PRKCQ: variants seen among roughly 807,000 people sequenced by gnomAD.
The protein encoded by PRKCQ is protein kinase C theta.
In PRKCQ, 41 loss-of-function variants were observed where a neutral mutation model predicts 91.2. The ratio of observed to expected loss-of-function variants is 0.45; its 90% CI spans 0.35 to 0.58. The LOEUF is 0.58. Ranked by LOEUF, PRKCQ falls within the 20% of genes least tolerant of loss-of-function variation. The probability of loss-of-function intolerance (pLI) is 0.00; values close to 1 mark genes in which losing one functional copy is unlikely to be tolerated. For synonymous variants in PRKCQ, 307 were observed against 316.9 expected, an observed-to-expected ratio of 0.97 and a Z score of 0.33; for missense variants, 673 against 896.5, an observed-to-expected ratio of 0.75 and a Z score of 3.18.
chr10:6,495,446 C>T (rs1466905817), intron 7 of PRKCQ, among the ~76,000 whole-genome samples: 2 of 152,186 alleles, frequency 1.3e-5, no homozygotes, highest in Admixed American at 1.3e-4. Context: ...TGCTCTTCAC[C>T]TAACCAGCTC....
At chr10:6,501,248 G>A (rs1837894108) in intron 4 of PRKCQ, among the ~76,000 whole-genome samples, 1 of 151,528 alleles carries the variant, frequency 6.6e-6, no homozygotes. Context: ...AATGTGTTAG[G>A]GAAAGAAAAA....
chr10:6,413,408 C>T, the PRKCQ span, among the ~76,000 whole-genome samples: 1 of 151,940 alleles, frequency 6.6e-6, no homozygotes. Context: ...CTGCAACAAC[C>T]TATTCTTCAA....
At position 6,522,315 on chromosome 10, in the gene PRKCQ, T is replaced by C. The variant is rs113304138; in HGVS notation, c.-9-7171A>G. On this transcript the variant is annotated intron_variant, in intron 1 of 17. Transcript: ENST00000263125. ...ATTTTCAGCTTTAAGTGTGATCTCA[T>C]TTGTCTTTTGTGTGTAGCTTCGATG... is the stretch of plus-strand genomic sequence containing the variant. Among the ~76,000 whole-genome samples the C allele has an allele frequency of 7.4e-3, 1,120 of 152,316 alleles. 7 individuals are homozygous for C. Among genetic ancestry groups the C allele is most frequent in the Admixed American group, 0.011 (176 of 15,308 alleles).
the PRKCQ span, among the ~76,000 whole-genome samples, chr10:6,421,165 A>C: frequency 5.9e-5 from 9 of 152,144 alleles, no homozygotes; most frequent in Admixed American, 5.9e-4. This position sits in a 1 kb window ranked among gnomAD's most constrained non-coding sequence, Gnocchi z 4.1. Flanking sequence ...TGTGAATGTA[A>C]TACATCCTTA....
At chr10:6,503,566 G>A (rs2130837167) in intron 4 of PRKCQ, among the ~76,000 whole-genome samples, 1 of 152,272 alleles carries the variant, frequency 6.6e-6, no homozygotes, top group East Asian at 1.9e-4. Flanking sequence ...TGGTGAGGTA[G>A]AGGAGGTGAG....
At chr10:6,464,728 G>A (rs1425773326) in intron 12 of PRKCQ, among the ~76,000 whole-genome samples, 2 of 152,208 alleles carry the variant, frequency 1.3e-5, no homozygotes, top group Admixed American at 6.5e-5. Flanking sequence ...GATTACAGGC[G>A]TGAGCCGCCA....
At chr10:6,464,572 C>G (rs1039967469) in intron 12 of PRKCQ, among the ~76,000 whole-genome samples, 168 bp from the exon 13 acceptor site, 1 of 152,196 alleles carries the variant, frequency 6.6e-6, no homozygotes, top group Non-Finnish European at 1.5e-5. Context: ...GTCAGCCTCC[C>G]TAGTAGCTGG....
intron 1 of PRKCQ, among the ~76,000 whole-genome samples, chr10:6,550,435 G>A (rs147347302): frequency 2.6e-3 from 395 of 152,172 alleles, no homozygotes; most frequent in Admixed American, 4.5e-3. Context: ...CACCATGCCC[G>A]GCTAATTTTT....
At chr10:6,567,318 C>A (rs933669528) in intron 1 of PRKCQ, among the ~76,000 whole-genome samples, 13 of 152,236 alleles carry the variant, frequency 8.5e-5, no homozygotes, top group African/African-American at 3.1e-4. Flanking sequence ...TGAGAAGAGG[C>A]CTCCATGAAC....
chr10:6,468,542 G>T (rs1284989605), intron 12 of PRKCQ, among the ~76,000 whole-genome samples: 2 of 152,032 alleles, frequency 1.3e-5, no homozygotes, highest in Non-Finnish European at 2.9e-5. Context: ...CTGAGAACTT[G>T]GCAAATATCA....
rs1466957511 is a variant in PRKCQ at position 6,465,288 on chromosome 10, TGGCAGA to T, written c.1354-890_1354-885del. Among the ~76,000 whole-genome samples, 1 of 152,156 alleles carries T rather than the reference TGGCAGA, an allele frequency of 6.6e-6. No homozygotes were observed. Among genetic ancestry groups the T allele is most frequent in the Non-Finnish European group, 1.5e-5 (1 of 68,026 alleles). On this transcript the variant is annotated intron_variant, in intron 12 of 17. Transcript: ENST00000263125. The surrounding 1 kb of genome is among the most constrained non-coding windows in gnomAD (Gnocchi z 4.4). ...TTTTCTCCAGTCCTGACTTAACTCATGGCAGAGGCAAGCCACAGTTTATGACGGAGT... is the reference window on the plus strand; with the variant it reads ...TTTTCTCCAGTCCTGACTTAACTCATGGCAAGCCACAGTTTATGACGGAGT...
At chr10:6,567,849 CATTT>C (rs1840888086) in intron 1 of PRKCQ, among the ~76,000 whole-genome samples, 1 of 152,020 alleles carries the variant, frequency 6.6e-6, no homozygotes, top group South Asian at 2.1e-4. Flanking sequence ...TGAATGCTTT[CATTT>C]ATTTTGTTTT....
intron 12 of PRKCQ, 93 bp downstream of exon 12, chr10:6,478,899 C>T (rs1262231045): frequency 2.0e-5 from 28 of 1,386,720 alleles, no homozygotes; most frequent in Non-Finnish European, 2.7e-5. Context: ...AATATGGAGG[C>T]AATGACTCGT....
chr10:6,560,931 C>T (rs1029761793), intron 1 of PRKCQ, among the ~76,000 whole-genome samples: 6 of 151,182 alleles, frequency 4.0e-5, no homozygotes, highest in Admixed American at 2.0e-4. Context: ...CCCAGCTACT[C>T]AGGAGGCTGA....
At chr10:6,525,115 A>T (rs889887859) in intron 1 of PRKCQ, among the ~76,000 whole-genome samples, 1 of 151,300 alleles carries the variant, frequency 6.6e-6, no homozygotes, top group African/African-American at 2.4e-5. Flanking sequence ...TATTGAAGTC[A>T]CTTTTGAAAT....
At chr10:6,447,688 G>A (rs967359551) in intron 15 of PRKCQ, among the ~76,000 whole-genome samples, 1 of 152,162 alleles carries the variant, frequency 6.6e-6, no homozygotes, top group Middle Eastern at 3.2e-3. Context: ...TCACAGGAAC[G>A]ATGGGTGCCT....
At chr10:6,483,389 C>A (rs1436098653) in intron 11 of PRKCQ, 51 bp downstream of exon 11, 1 of 1,605,534 alleles carries the variant, frequency 6.2e-7, no homozygotes, top group East Asian at 2.2e-5. Flanking sequence ...AGGAACTTGG[C>A]TCATCAGTTC....
chr10:6,464,254 A>C, intron 13 of PRKCQ, 59 bp downstream of exon 13: 1 of 1,501,246 alleles, frequency 6.7e-7, no homozygotes, highest in Non-Finnish European at 9.1e-7. Context: ...AAGGAAAAAA[A>C]AACCAGCAAG....
intron 1 of PRKCQ, among the ~76,000 whole-genome samples, chr10:6,543,159 C>T (rs993265357): frequency 1.3e-5 from 2 of 152,326 alleles, no homozygotes; most frequent in South Asian, 4.1e-4. Flanking sequence ...CCTTTGAAGT[C>T]GTGTTCGTTA....
Sources: gnomAD v4.1 joint callset for allele counts (sites outside exome capture counted in the v4.1 genomes callset) on GRCh38, gnomAD v4.1.1 for gene constraint, Gnocchi (gnomAD v3.1) non-coding constraint, MANE v1.5 for transcripts, NCBI Gene and HGNC (gene_info 2026-07-23, HGNC 2026-07-21) for gene names.